DOCK6: variants seen among roughly 807,000 people sequenced by gnomAD.
DOCK6 encodes the protein dedicator of cytokinesis protein 6.
DOCK6 carries 167 observed loss-of-function variants against 230.3 expected under a neutral mutation model. The ratio of observed to expected loss-of-function variants is 0.73; its 90% CI spans 0.64 to 0.82. The LOEUF is 0.82. DOCK6 is among the 40% of genes least tolerant of loss of function. The pLI, the probability that DOCK6 is intolerant of heterozygous loss-of-function variation, is 0.00. For synonymous variants in DOCK6, 1,148 were observed against 1,185.0 expected (o/e 0.97, Z 0.64); for missense variants, 2,598 against 2,825.8 (o/e 0.92, Z 1.83).
chr19:11,241,887 G>A lies in DOCK6; in HGVS notation c.1643+158C>T, dbSNP rs1025119388. The A allele has an allele frequency of 8.0e-6, 10 of 1,250,938 alleles. No homozygotes were observed. The African/African-American group carries it at 1.2e-4, about 15-fold the overall frequency. 77.5% of individuals were successfully genotyped at this position (1,250,938 alleles called of 1,614,324 possible). The stretch of plus-strand genomic sequence containing the variant: ...CCCCATTGGGGAGGGGTGGAGGAAG[G>A]ACATGTACCCTTTCATGCCTACACA... On this transcript the variant is annotated intron_variant, in intron 14 of 47. Transcript: ENST00000294618.
At chr19:11,225,994 G>C (rs1297355102) in intron 24 of DOCK6, among the ~76,000 whole-genome samples, 2 of 151,866 alleles carry the variant, frequency 1.3e-5, no homozygotes, top group Non-Finnish European at 1.5e-5. Context: ...CGTGAACTAT[G>C]ATCGCACCAC....
chr19:11,233,346 G>A lies in DOCK6; in HGVS notation c.2575C>T (p.Gln859Ter), dbSNP rs750216577. ...GAGCCACGGGCCAGTGTGGCAGCCTGCACTGTCACTGGAGGGGCCCCTGAG... is the reference window on the plus strand; with the variant it reads ...GAGCCACGGGCCAGTGTGGCAGCCTACACTGTCACTGGAGGGGCCCCTGAG... ...LPDGAPPVTVQAATLARGSGR... is the reference protein window; with the variant it reads ...LPDGAPPVTV Residue 859 changes from glutamine (Q) to a stop codon, truncating the protein, a stop_gained, in exon 22 of 48, where the codon CAG becomes TAG. Coordinates refer to ENST00000294618, the MANE Select transcript of DOCK6 (RefSeq NM_020812.4). LOFTEE classifies it high-confidence loss of function. 1 of 1,613,708 alleles carries A rather than the reference G, an allele frequency of 6.2e-7. No individual in the cohort carries two copies. Among genetic ancestry groups the A allele is most frequent in the Non-Finnish European group, 8.5e-7 (1 of 1,179,738 alleles).
In DOCK6 at chr19:11,202,727, G is replaced by A. The variant is rs765971826; in HGVS notation, c.5236-18C>T. The A allele has an allele frequency of 1.5e-5, 25 of 1,613,024 alleles. No individual in the cohort carries two copies. The South Asian group carries it at 2.2e-4, about 14-fold the overall frequency. On this transcript the variant is annotated intron_variant, in intron 41 of 47. Transcript: ENST00000294618. This position sits in a 1 kb window ranked among gnomAD's most constrained non-coding sequence, Gnocchi z 5.3. ...AACACGCGCTGGGGCTGTGAGAAAG[G>A]GTGTGGTTGTCCGGGAGGCCCCTGC... is the stretch of plus-strand genomic sequence containing the variant.
chr19:11,260,892 A>AAAAAAAAAAAAAAAAAG (rs1423289379), intron 1 of DOCK6, among the ~76,000 whole-genome samples: 18 of 148,564 alleles, frequency 1.2e-4, no homozygotes, highest in African/African-American at 4.6e-4. Flanking sequence ...CAAAAAAAAA[A>AAAAAAAAAAAAAAAAAG]AAAGAAAGAA....
chr19:11,240,179 G>A lies in DOCK6; in HGVS notation c.1643+1866C>T, dbSNP rs1325040996. On this transcript the variant is annotated intron_variant, in intron 14 of 47. Transcript: ENST00000294618. The stretch of plus-strand genomic sequence containing the variant: ...AGCTGCAGGCAGAGGCCACAGCTGA[G>A]GTGCTGGGGGAGGTGGCCCAGGCAC... 3 of 1,553,408 alleles carry A rather than the reference G, an allele frequency of 1.9e-6. No individual in the cohort carries two copies. The Admixed American group carries it at 5.9e-5, about 30-fold the overall frequency.
At chr19:11,261,842 T>TC (rs55855253) in intron 1 of DOCK6, among the ~76,000 whole-genome samples, 33,301 of 138,006 alleles carry the variant, frequency 0.24, 4,075 homozygotes, top group East Asian at 0.39. Flanking sequence ...CTGTCCCCCT[T>TC]CCCCCCCCCC....
intron 24 of DOCK6, among the ~76,000 whole-genome samples, chr19:11,223,429 G>A (rs985707374): frequency 7.9e-5 from 12 of 152,242 alleles, no homozygotes; most frequent in Middle Eastern, 6.8e-3. Context: ...CTGGCCAATG[G>A]GATTTGAGGG....
rs1223068837 is a variant in DOCK6, at chr19:11,227,269, G to A, written c.2955+68C>T. 10 of 1,581,372 alleles carry A rather than the reference G, an allele frequency of 6.3e-6. No homozygotes were observed. In the Admixed American group the frequency reaches 1.2e-4, roughly 19 times the overall value. On this transcript the variant is annotated intron_variant, in intron 24 of 47. Coordinates refer to ENST00000294618, the MANE Select transcript of DOCK6 (RefSeq NM_020812.4). Reference sequence around the variant, plus strand: ...CCAGGAGACACTGGGCAGGATTGGCGCCCCCACCTGGCTGGCTCTATGTCC... The same window carrying A: ...CCAGGAGACACTGGGCAGGATTGGCACCCCCACCTGGCTGGCTCTATGTCC...
chr19:11,241,878 T>C (rs1599267771), intron 14 of DOCK6, 167 bp downstream of exon 14: 2 of 1,254,136 alleles, frequency 1.6e-6, no homozygotes, highest in Admixed American at 4.2e-5. Context: ...TGGGGAGGGG[T>C]GGAGGAAGGA....
chr19:11,228,539 G>A (rs920724130), intron 23 of DOCK6, among the ~76,000 whole-genome samples: 1 of 148,526 alleles, frequency 6.7e-6, no homozygotes, highest in Non-Finnish European at 1.5e-5. Context: ...TATCTCAGGT[G>A]CAATTTCAGG....
chr19:11,258,763 CTCTTTTT>C lies in DOCK6; in HGVS notation c.44+3627_44+3633del, dbSNP rs562321377. On this transcript the variant is annotated intron_variant, in intron 1 of 47. Transcript: ENST00000294618. ...CTATTCTTTAAACTTTTCTTTCTCT[CTCTTTTT>C]TTTTTCTTGAGACGGAGTCTCTGTC... Among the ~76,000 whole-genome samples, 7 of 147,306 alleles carry C rather than the reference CTCTTTTT, an allele frequency of 4.8e-5. No individual in the cohort carries two copies. The East Asian group carries it at 1.4e-3, about 30-fold the overall frequency.
In DOCK6 at chr19:11,212,107, G is replaced by C; in HGVS notation, c.4536C>G (p.Ser1512=). 1.9e-6 allele frequency: 3 copies of C among 1,612,400 alleles called. No individual in the cohort carries two copies. The South Asian group carries it at 3.3e-5, about 18-fold the overall frequency. Residue 1512 remains serine (S), a synonymous_variant, in exon 36 of 48, where the codon TCC becomes TCG. Coordinates refer to ENST00000294618, the MANE Select transcript of DOCK6 (RefSeq NM_020812.4). ...VKMQVTMSLS[S]LVGTTQNFSE... ...TGAAGTTCTGCGTCGTCCCCACCAG[G>C]GACGAGAGAGACATGGTGACCTGCA...
At chr19:11,213,796 A>G (rs1459441350) in intron 34 of DOCK6, among the ~76,000 whole-genome samples, 1 of 111,440 alleles carries the variant, frequency 9.0e-6, no homozygotes, top group Non-Finnish European at 1.9e-5. Flanking sequence ...TCTGGCTAAC[A>G]TTTTTTTTTT....
At chr19:11,220,738 A>G (rs2079565838) in intron 28 of DOCK6, among the ~76,000 whole-genome samples, 1 of 152,188 alleles carries the variant, frequency 6.6e-6, no homozygotes, top group Non-Finnish European at 1.5e-5. Context: ...ATGAGACAAA[A>G]GATGGAGAAT....
In DOCK6 at chr19:11,245,618, C is replaced by A. The variant is rs188066183; in HGVS notation, c.968G>T (p.Arg323Leu). Residue 323 changes from arginine to leucine, a missense_variant, in exon 9 of 48, where the codon CGC becomes CTC. Coordinates refer to ENST00000294618, the MANE Select transcript of DOCK6 (RefSeq NM_020812.4). ...GTHPAISTLA[R>L]SAIFSVTYPS... ...GTAGGTCACAGAGAAGATGGCAGAG[C>A]GGGCCAGGGTGGAGATGGCAGGGTG... The A allele has an allele frequency of 7.4e-5, 118 of 1,590,200 alleles. No individual in the cohort carries two copies. Among genetic ancestry groups the A allele is most frequent in the Non-Finnish European group, 9.8e-5 (115 of 1,168,402 alleles).
In DOCK6 at chr19:11,242,505, C is replaced by A. The variant is rs373227266; in HGVS notation, c.1481-298G>T. 2.0e-5 allele frequency among the ~76,000 whole-genome samples: 3 copies of A among 152,242 alleles called. No homozygotes were observed. The East Asian group carries it at 5.8e-4, about 29-fold the overall frequency. On this transcript the variant is annotated intron_variant, in intron 13 of 47. Transcript: ENST00000294618. The stretch of plus-strand genomic sequence containing the variant: ...CTCCCCAGTTCAAGTGATTCTCCTG[C>A]CTCAGCCTCCCAGGTAGCTGGGATT...
intron 28 of DOCK6, 154 bp downstream of exon 28, chr19:11,221,697 G>T: frequency 9.1e-7 from 1 of 1,104,416 alleles, no homozygotes. Flanking sequence ...GAGATGTTAT[G>T]ACTTAAGTAG....
rs769185886 is a variant in DOCK6, at chr19:11,223,009, C to T, written c.3053G>A (p.Arg1018Gln). The change falls in exon 25 of 48, where the codon CGG becomes CAG. Residue 1018 changes from arginine to glutamine, a missense_variant. Physicochemically the swap from Arg to Gln is conservative, Grantham distance 43. Transcript: ENST00000294618. The stretch of plus-strand genomic sequence containing the variant: ...CACTCCTACCTGCTTGTAGTGGGCC[C>T]GGACCAGGCTGAAGACAAAGCCCCG... ...VDRGFVFSLV[R>Q]AHYKQVATRL... 3.3e-5 allele frequency: 54 copies of T among 1,613,618 alleles called. No homozygotes were observed. The highest frequency in any genetic ancestry group is 3.9e-5 in the Non-Finnish European group (46 of 1,179,842).
At chr19:11,205,729 C>G (rs1284286139) in intron 39 of DOCK6, 1 of 152,136 alleles carries the variant, frequency 6.6e-6, no homozygotes, top group Non-Finnish European at 1.5e-5. Flanking sequence ...CCTGCCTCGG[C>G]CTCCAAAGTG....
Sources: allele counts gnomAD v4.1 joint callset (sites outside exome capture counted in the v4.1 genomes callset), GRCh38; gene constraint gnomAD v4.1.1; non-coding constraint Gnocchi (gnomAD v3.1); transcripts MANE v1.5; gene names NCBI Gene and HGNC (gene_info 2026-07-23, HGNC 2026-07-21).